Variants in STARD13 observed in about 807,000 individuals in gnomAD.
STARD13 encodes StAR related lipid transfer domain containing 13, also known as stAR-related lipid transfer protein 13.
In STARD13, 62 loss-of-function variants were observed where a neutral mutation model predicts 106.4. The ratio of observed to expected loss-of-function variants is 0.58; its 90% CI spans 0.48 to 0.72. The LOEUF is 0.72. Among genes scored for constraint, STARD13 ranks in the 30% least tolerant of loss-of-function variants. The probability of loss-of-function intolerance (pLI) is 0.00; values close to 1 mark genes in which losing one functional copy is unlikely to be tolerated. For synonymous variants in STARD13, 565 were observed against 553.0 expected, an observed-to-expected ratio of 1.02 and a Z score of -0.31; for missense variants, 1,387 against 1,424.0, an observed-to-expected ratio of 0.97 and a Z score of 0.42.
chr13:33,153,465 G>A (rs1881557296), intron 3 of STARD13, among the ~76,000 whole-genome samples: 2 of 152,124 alleles, frequency 1.3e-5, no homozygotes, highest in Non-Finnish European at 2.9e-5. Flanking sequence ...AGAAACGCTG[G>A]GCGACTGTGT....
At chr13:33,165,807 T>G (rs567262165) in intron 2 of STARD13, among the ~76,000 whole-genome samples, 6 of 152,210 alleles carry the variant, frequency 3.9e-5, no homozygotes, top group African/African-American at 1.4e-4. Context: ...TTGGCAGATT[T>G]TTTTCCTTCA....
intron 1 of STARD13, among the ~76,000 whole-genome samples, chr13:33,306,008 T>C (rs1892891336): frequency 6.6e-6 from 1 of 152,194 alleles, no homozygotes; most frequent in African/African-American, 2.4e-5. Flanking sequence ...AAAAAGAGCA[T>C]GTATAGTGAA....
the STARD13 span, among the ~76,000 whole-genome samples, chr13:33,664,728 G>A: frequency 1.3e-5 from 2 of 152,194 alleles, no homozygotes; most frequent in African/African-American, 4.8e-5. Context: ...CCAGGTTCCT[G>A]CCATTCTCCT....
the STARD13 span, among the ~76,000 whole-genome samples, chr13:33,385,625 C>T: frequency 7.3e-5 from 11 of 151,296 alleles, no homozygotes; most frequent in Admixed American, 3.9e-4. Flanking sequence ...TTTGGGAGAC[C>T]GAGGAGGGCG....
chr13:33,595,838 G>T, the STARD13 span, among the ~76,000 whole-genome samples: 2 of 152,124 alleles, frequency 1.3e-5, no homozygotes, highest in Non-Finnish European at 2.9e-5. Context: ...AAAAATTGTT[G>T]CAAGACAGCT....
chr13:33,117,721 T>C, intron 8 of STARD13: 1 of 908,298 alleles, frequency 1.1e-6, no homozygotes, highest in East Asian at 1.2e-4. Context: ...AAAAATTGAA[T>C]AAGTTTTAAT....
upstream of STARD13, among the ~76,000 whole-genome samples, chr13:33,286,112 C>T (rs535656054): frequency 9.5e-4 from 144 of 152,174 alleles, no homozygotes; most frequent in Non-Finnish European, 1.8e-3. Flanking sequence ...TACAGGGCAG[C>T]AGCAGCCAGG....
the STARD13 span, among the ~76,000 whole-genome samples, chr13:33,491,773 T>A: frequency 6.6e-6 from 1 of 152,336 alleles, no homozygotes; most frequent in East Asian, 1.9e-4. Flanking sequence ...TTCTGAGGAA[T>A]AAGGTTTGAA....
chr13:33,593,660 A>G, the STARD13 span, among the ~76,000 whole-genome samples: 1 of 152,276 alleles, frequency 6.6e-6, no homozygotes, highest in Middle Eastern at 3.4e-3. Context: ...AAGAAAATAC[A>G]TCCTTTGACC....
chr13:33,524,022 C>G, the STARD13 span, among the ~76,000 whole-genome samples: 1 of 151,886 alleles, frequency 6.6e-6, no homozygotes, highest in East Asian at 1.9e-4. Flanking sequence ...GCATTTTTTT[C>G]TAATTTTATA....
chr13:33,591,356 T>A, the STARD13 span, among the ~76,000 whole-genome samples: 1 of 152,268 alleles, frequency 6.6e-6, no homozygotes, highest in Non-Finnish European at 1.5e-5. Context: ...AAACTCATTT[T>A]CAGTAAAAAA....
chr13:33,480,982 C>T, the STARD13 span, among the ~76,000 whole-genome samples: 3 of 152,094 alleles, frequency 2.0e-5, no homozygotes, highest in Admixed American at 1.3e-4. Context: ...AGATGGTAAA[C>T]TTTAAGAAAA....
At chr13:33,261,226 C>A (rs1002713165) in intron 1 of STARD13, among the ~76,000 whole-genome samples, 6 of 152,178 alleles carry the variant, frequency 3.9e-5, no homozygotes, top group African/African-American at 1.4e-4. Context: ...TTGGTTTTCA[C>A]AACTTGTGGG....
At chr13:33,370,905 G>A in the STARD13 span, among the ~76,000 whole-genome samples, 2,663 of 152,138 alleles carry the variant, frequency 0.018, 24 homozygotes, top group Non-Finnish European at 0.029. Flanking sequence ...ACAGGTGTGA[G>A]CAACCGCTCC....
chr13:33,321,857 C>A (rs1374669530), intron 1 of STARD13, among the ~76,000 whole-genome samples: 2 of 152,172 alleles, frequency 1.3e-5, no homozygotes, highest in Non-Finnish European at 2.9e-5. Flanking sequence ...TCTATTCTTT[C>A]AGCACTTACA....
chr13:33,561,910 AT>A, the STARD13 span, among the ~76,000 whole-genome samples: 403 of 146,804 alleles, frequency 2.7e-3, 34 homozygotes, highest in Non-Finnish European at 4.8e-3. Context: ...AAAGTAACAC[AT>A]TTTGGCCTTC....
At chr13:33,566,001 C>T in the STARD13 span, among the ~76,000 whole-genome samples, 58 of 148,422 alleles carry the variant, frequency 3.9e-4, 4 homozygotes, top group Non-Finnish European at 5.2e-4. Flanking sequence ...TTTCAGTTAC[C>T]TGTGGTCAGT....
the STARD13 span, among the ~76,000 whole-genome samples, chr13:33,521,273 G>C: frequency 6.6e-6 from 1 of 152,048 alleles, no homozygotes; most frequent in South Asian, 2.1e-4. Flanking sequence ...GTGAAACTAA[G>C]AAAATAATGT....
chr13:33,245,320 A>C (rs1314106595), intron 1 of STARD13, among the ~76,000 whole-genome samples: 1 of 152,244 alleles, frequency 6.6e-6, no homozygotes, highest in African/African-American at 2.4e-5. Context: ...AAAGACAAGA[A>C]GAAGACAGAA....
Sources: gnomAD v4.1 joint callset for allele counts (sites outside exome capture counted in the v4.1 genomes callset) on GRCh38, gnomAD v4.1.1 for gene constraint, MANE v1.5 for transcripts, NCBI Gene and HGNC (gene_info 2026-07-23, HGNC 2026-07-21) for gene names.